PRMT3: variants seen among roughly 807,000 people sequenced by gnomAD.
PRMT3 encodes protein arginine methyltransferase 3, also known as protein arginine N-methyltransferase 3.
Under a neutral mutation model 71.9 loss-of-function variants are expected in PRMT3, and 62 were observed. The ratio of observed to expected loss-of-function variants is 0.86; its 90% CI spans 0.70 to 1.07. PRMT3 has a LOEUF of 1.07. PRMT3 is among the 50% of genes least tolerant of loss of function. The probability of loss-of-function intolerance (pLI) is 0.00; values close to 1 mark genes in which losing one functional copy is unlikely to be tolerated. For synonymous variants in PRMT3, 213 were observed against 220.4 expected, an observed-to-expected ratio of 0.97 and a Z score of 0.30; for missense variants, 663 against 643.0, an observed-to-expected ratio of 1.03 and a Z score of -0.34.
chr11:20,389,730 G>C lies in PRMT3; in HGVS notation c.165-14G>C. The C allele has an allele frequency of 6.3e-7, 1 of 1,582,590 alleles. No homozygotes were observed. The highest frequency in any genetic ancestry group is 1.1e-5 in the South Asian group (1 of 89,810). On this transcript the variant is annotated splice_polypyrimidine_tract_variant and intron_variant, in intron 2 of 15. Coordinates refer to ENST00000331079, the MANE Select transcript of PRMT3 (RefSeq NM_005788.4). Reference sequence around the variant, plus strand: ...TAGGGGACTATTCCATGAAGCTATTGCTTGATTTTTCAGGTTATTCACATC... The same window carrying C: ...TAGGGGACTATTCCATGAAGCTATTCCTTGATTTTTCAGGTTATTCACATC...
chr11:20,486,447 G>A (rs1247993840), intron 13 of PRMT3, among the ~76,000 whole-genome samples: 1 of 152,134 alleles, frequency 6.6e-6, no homozygotes, highest in Non-Finnish European at 1.5e-5. Context: ...GAAGAGCTAA[G>A]TAGACTAGTA....
intron 10 of PRMT3, among the ~76,000 whole-genome samples, chr11:20,428,272 A>T (rs1315547429): frequency 6.6e-6 from 1 of 152,228 alleles, no homozygotes; most frequent in Non-Finnish European, 1.5e-5. Flanking sequence ...TTTGAGGCAT[A>T]TAGACAAGAA....
intron 10 of PRMT3, among the ~76,000 whole-genome samples, chr11:20,442,333 T>C (rs1312824154): frequency 2.0e-5 from 3 of 152,078 alleles, no homozygotes; most frequent in Non-Finnish European, 4.4e-5. Flanking sequence ...TCTTTTTCCC[T>C]TGTTTAGTTT....
At chr11:20,422,181 G>T (rs566897176) in intron 9 of PRMT3, among the ~76,000 whole-genome samples, 11 of 152,240 alleles carry the variant, frequency 7.2e-5, no homozygotes, top group African/African-American at 2.6e-4. Flanking sequence ...TAAGTGATGT[G>T]TTTCCCTGAT....
chr11:20,402,931 A>G lies in PRMT3; in HGVS notation c.718A>G (p.Thr240Ala). 6.2e-7 allele frequency: 1 copy of G among 1,608,934 alleles called. No individual in the cohort carries two copies. The highest frequency in any genetic ancestry group is 8.5e-7 in the Non-Finnish European group (1 of 1,175,434). Reference protein sequence around the residue: ...HEEMLKDKIRTESYRDFIYQN... With the variant: ...HEEMLKDKIRAESYRDFIYQN... ...CTCTCCACCCTAGGACAAAATACGA[A>G]CAGAAAGCTACCGAGATTTCATATA... is the stretch of plus-strand genomic sequence containing the variant. The change falls in exon 8 of 16, where the codon ACA (threonine) becomes GCA (alanine). Residue 240 changes from threonine (T) to alanine (A), a missense_variant. By Grantham distance (58) the Thr-to-Ala change is moderately conservative. Coordinates refer to ENST00000331079, the MANE Select transcript of PRMT3 (RefSeq NM_005788.4).
At chr11:20,489,399 C>A (rs1390641775) in intron 13 of PRMT3, among the ~76,000 whole-genome samples, 1 of 152,116 alleles carries the variant, frequency 6.6e-6, no homozygotes, top group Non-Finnish European at 1.5e-5. Flanking sequence ...GCCTTCAGAC[C>A]TCTCTGATCT....
intron 9 of PRMT3, among the ~76,000 whole-genome samples, chr11:20,417,538 C>T (rs141384122): frequency 1.3e-5 from 2 of 151,992 alleles, no homozygotes; most frequent in African/African-American, 2.4e-5. Context: ...GAACATAGAC[C>T]GTATCTTTTA....
chr11:20,413,621 A>G (rs986262782), intron 9 of PRMT3, among the ~76,000 whole-genome samples: 2 of 152,094 alleles, frequency 1.3e-5, no homozygotes, highest in Admixed American at 6.6e-5. Flanking sequence ...CTCAAATAAT[A>G]TTTTACGTTT....
At chr11:20,424,947 C>G (rs570759785) in intron 9 of PRMT3, among the ~76,000 whole-genome samples, 2 of 151,934 alleles carry the variant, frequency 1.3e-5, no homozygotes, top group African/African-American at 2.4e-5. Context: ...CTACAAAGAA[C>G]ACAAATATTA....
intron 11 of PRMT3, among the ~76,000 whole-genome samples, chr11:20,460,886 A>T (rs61876969): frequency 0.061 from 9,345 of 152,110 alleles, 430 homozygotes; most frequent in Non-Finnish European, 0.091. Flanking sequence ...TTCCATTCCC[A>T]CAGCAATATC....
At chr11:20,434,868 GTT>G (rs34576862) in intron 10 of PRMT3, among the ~76,000 whole-genome samples, 1 of 152,064 alleles carries the variant, frequency 6.6e-6, no homozygotes, top group South Asian at 2.1e-4. Context: ...TATTTGGACT[GTT>G]TTTTGGTTCC....
chr11:20,477,428 A>C (rs576128771), intron 13 of PRMT3, among the ~76,000 whole-genome samples: 1 of 152,098 alleles, frequency 6.6e-6, no homozygotes, highest in Non-Finnish European at 1.5e-5. Context: ...ATGGTGGTGC[A>C]TGTCTATAGT....
chr11:20,441,263 TTTTATTTATTTATTTATTTATTTA>T (rs3044625), intron 10 of PRMT3, among the ~76,000 whole-genome samples: 14 of 138,136 alleles, frequency 1.0e-4, no homozygotes, highest in African/African-American at 2.4e-4. Context: ...GTTACTAACT[TTTTATTTATTTATTTATTTATTTA>T]TTTATTTATT....
At chr11:20,501,898 A>G (rs1851466249) in intron 15 of PRMT3, among the ~76,000 whole-genome samples, 1 of 152,216 alleles carries the variant, frequency 6.6e-6, no homozygotes, top group East Asian at 1.9e-4. Context: ...TACAGTACAT[A>G]GTAAGCTTTT....
At chr11:20,472,353 T>A (rs543196254) in intron 13 of PRMT3, among the ~76,000 whole-genome samples, 1 of 152,292 alleles carries the variant, frequency 6.6e-6, no homozygotes, top group South Asian at 2.1e-4. Flanking sequence ...AAATAGCTCT[T>A]ATGATTTTGA....
At chr11:20,411,170 AC>A (rs1849184149) in intron 9 of PRMT3, among the ~76,000 whole-genome samples, 1 of 152,106 alleles carries the variant, frequency 6.6e-6, no homozygotes, top group Non-Finnish European at 1.5e-5. Context: ...GATACCTAAG[AC>A]CTAAAATTTG....
chr11:20,489,102 C>T (rs554031077), intron 13 of PRMT3, among the ~76,000 whole-genome samples: 6 of 152,104 alleles, frequency 3.9e-5, no homozygotes, highest in Non-Finnish European at 7.4e-5. Context: ...ACTATGTATA[C>T]GTAGTTTCCT....
intron 2 of PRMT3, 113 bp from the exon 3 acceptor site, chr11:20,389,631 T>C (rs1409620315): frequency 1.6e-6 from 1 of 629,986 alleles, no homozygotes; most frequent in East Asian, 2.9e-5. Context: ...TAATTGGAAG[T>C]AAAACTAGAA....
At chr11:20,390,525 T>G (rs548052318) in intron 3 of PRMT3, among the ~76,000 whole-genome samples, 1 of 152,254 alleles carries the variant, frequency 6.6e-6, no homozygotes, top group Admixed American at 6.5e-5. Flanking sequence ...GACTGAGTTT[T>G]ATACAAAGTT....
Sources: gnomAD v4.1 joint callset for allele counts (sites outside exome capture counted in the v4.1 genomes callset) on GRCh38, gnomAD v4.1.1 for gene constraint, MANE v1.5 for transcripts, NCBI Gene and HGNC (gene_info 2026-07-23, HGNC 2026-07-21) for gene names.